CST11: variants seen among roughly 807,000 people sequenced by gnomAD.
CST11 encodes the protein cystatin-11.
A neutral mutation model predicts 14.0 loss-of-function variants in CST11; 13 were observed. The observed-to-expected ratio is 0.93, with a 90% CI of 0.60 to 1.47. The LOEUF is 1.47. Ranked by LOEUF, CST11 falls within the 40% of genes most tolerant of loss-of-function variation. The pLI, the probability that CST11 is intolerant of heterozygous loss-of-function variation, is 0.00. For synonymous variants in CST11, 64 were observed against 57.8 expected, an observed-to-expected ratio of 1.11 and a Z score of -0.48; for missense variants, 181 against 160.0, an observed-to-expected ratio of 1.13 and a Z score of -0.71.
Position 23,450,476 on chromosome 20 carries a change from C to A in CST11, c.*30G>T. The stretch of plus-strand genomic sequence containing the variant: ...GCCCATTGCAGGATTCTCTCACATG[C>A]AGTGGCCGCAGTTGTACACTCCAGG... On this transcript the variant is annotated 3_prime_UTR_variant, in exon 3 of 3. Coordinates refer to ENST00000377009, the MANE Select transcript of CST11 (RefSeq NM_130794.2). 6.9e-7 allele frequency: 1 copy of A among 1,456,408 alleles called. No individual in the cohort carries two copies. Among genetic ancestry groups the A allele is most frequent in the Non-Finnish European group, 9.5e-7 (1 of 1,056,978 alleles). 90.2% of individuals were successfully genotyped at this position (1,456,408 alleles called of 1,614,324 possible).
chr20:23,450,522 C>T lies in CST11; in HGVS notation c.401G>A (p.Ser134Asn). 1 of 1,611,790 alleles carries T rather than the reference C, an allele frequency of 6.2e-7. No homozygotes were observed. ...WFEQYKILNK[S>N]CSSD ...CCAGGACACCTAGTCACTGCTGCAG[C>T]TTTTGTTCAAAATTTTGTACTGTTC... is the stretch of plus-strand genomic sequence containing the variant. The change falls in exon 3 of 3, where the codon AGC (serine) becomes AAC (asparagine). Residue 134 changes from serine (S) to asparagine (N), a missense_variant. Ser to Asn is a conservative substitution (Grantham distance 46, BLOSUM62 1). Coordinates refer to ENST00000377009, the MANE Select transcript of CST11 (RefSeq NM_130794.2).
Position 23,450,473 on chromosome 20 carries a change from A to T in CST11, c.*33T>A. On this transcript the variant is annotated 3_prime_UTR_variant, in exon 3 of 3. Coordinates refer to ENST00000377009, the MANE Select transcript of CST11 (RefSeq NM_130794.2). ...ATTGCCCATTGCAGGATTCTCTCAC[A>T]TGCAGTGGCCGCAGTTGTACACTCC... 1.4e-6 allele frequency: 2 copies of T among 1,430,912 alleles called. No homozygotes were observed. Among genetic ancestry groups the T allele is most frequent in the South Asian group, 1.3e-5 (1 of 78,362 alleles). The allele number at this position is 1,430,912 out of a possible 1,614,324, so 88.6% of individuals were successfully genotyped here. A position where few individuals can be genotyped will look rare whatever the true frequency, so the allele number is the denominator to read the frequency against.
At position 23,452,748 on chromosome 20, in the gene CST11, G is replaced by A. The variant is rs758903882; in HGVS notation, c.64C>T (p.Leu22Phe). The A allele has an allele frequency of 6.2e-7, 1 of 1,614,188 alleles. No individual in the cohort carries two copies. The highest frequency in any genetic ancestry group is 8.5e-7 in the Non-Finnish European group (1 of 1,180,030). The part of the protein sequence containing the change: ...LLAILLTLMA[L>F]PYQARKKTFL... ...GTTTTCTTCCTTGCTTGGTAGGGGA[G>A]GGCCATCAGAGTCAATAGAATGGCC... The change falls in exon 1 of 3, where the codon CTC becomes TTC. Residue 22 changes from leucine to phenylalanine, a missense_variant. By Grantham distance (22) the Leu-to-Phe change is conservative (BLOSUM62 0). Transcript: ENST00000377009.
rs759326492 is a variant in CST11 at position 23,452,577 on chromosome 20, C to T, written c.228+7G>A. On this transcript the variant is annotated splice_region_variant and intron_variant, in intron 1 of 2. Coordinates refer to ENST00000377009, the MANE Select transcript of CST11 (RefSeq NM_130794.2). ...GCCTGGGGAGAGGCGGGAAGTCATA[C>T]ACTCACCTGCCTCTGGACTTTAAGG... 1.9e-6 allele frequency: 3 copies of T among 1,585,290 alleles called. No individual in the cohort carries two copies. Among genetic ancestry groups the T allele is most frequent in the Admixed American group, 1.7e-5 (1 of 59,966 alleles).
In CST11 at chr20:23,450,482, C is replaced by T. The variant is rs374560815; in HGVS notation, c.*24G>A. On this transcript the variant is annotated 3_prime_UTR_variant, in exon 3 of 3. Transcript: ENST00000377009. ...TGCAGGATTCTCTCACATGCAGTGGCCGCAGTTGTACACTCCAGGACACCT... is the reference window on the plus strand; with the variant it reads ...TGCAGGATTCTCTCACATGCAGTGGTCGCAGTTGTACACTCCAGGACACCT... 1 of 1,527,178 alleles carries T rather than the reference C, an allele frequency of 6.5e-7. No homozygotes were observed. Among genetic ancestry groups the T allele is most frequent in the Non-Finnish European group, 9.0e-7 (1 of 1,115,910 alleles). The allele number at this position is 1,527,178 out of a possible 1,614,324, so 94.6% of individuals were successfully genotyped here.
rs768717064 is a variant in CST11, at chr20:23,452,708, T to C, written c.104A>G (p.His35Arg). 6.2e-7 allele frequency: 1 copy of C among 1,614,140 alleles called. No individual in the cohort carries two copies. Among genetic ancestry groups the C allele is most frequent in the Non-Finnish European group, 8.5e-7 (1 of 1,179,966 alleles). The change falls in exon 1 of 3, where the codon CAT becomes CGT. Residue 35 changes from histidine to arginine, a missense_variant. Physicochemically the swap from His to Arg is conservative, Grantham distance 29. Coordinates refer to ENST00000377009, the MANE Select transcript of CST11 (RefSeq NM_130794.2). ...ATAGTTTTCTACTGCCATCACTTCA[T>C]GGACGCTTAGAAAGGTTTTCTTCCT... is the stretch of plus-strand genomic sequence containing the variant. ...QARKKTFLSVHEVMAVENYAK... is the reference protein window; with the variant it reads ...QARKKTFLSVREVMAVENYAK...
chr20:23,451,969 G>C (rs758120186), intron 1 of CST11, 49 bp from the exon 2 acceptor site: 43 of 1,449,682 alleles, frequency 3.0e-5, no homozygotes, highest in Non-Finnish European at 3.6e-5. Flanking sequence ...CTTCTCCCCT[G>C]TCTGCGGTTT....
chr20:23,452,468 G>T (rs780005259), intron 1 of CST11, 116 bp downstream of exon 1: 8 of 729,218 alleles, frequency 1.1e-5, no homozygotes, highest in Non-Finnish European at 2.0e-5. Context: ...CTCTTAAAGT[G>T]CTCACATCAA....
At position 23,452,749 on chromosome 20, in the gene CST11, G is replaced by A; in HGVS notation, c.63C>T (p.Ala21=). 1.2e-6 allele frequency: 2 copies of A among 1,614,138 alleles called. No homozygotes were observed. Among genetic ancestry groups the A allele is most frequent in the Non-Finnish European group, 1.7e-6 (2 of 1,180,016 alleles). ...TTTTCTTCCTTGCTTGGTAGGGGAG[G>A]GCCATCAGAGTCAATAGAATGGCCA... ...LLLAILLTLM[A]LPYQARKKTF... The change falls in exon 1 of 3, where the codon GCC becomes GCT. Residue 21 remains alanine, a synonymous_variant. Coordinates refer to ENST00000377009, the MANE Select transcript of CST11 (RefSeq NM_130794.2).
chr20:23,450,785 A>G (rs1987065765), intron 2 of CST11, among the ~76,000 whole-genome samples, 196 bp from the exon 3 acceptor site: 1 of 152,250 alleles, frequency 6.6e-6, no homozygotes, highest in Non-Finnish European at 1.5e-5. Flanking sequence ...AAATCAAAAT[A>G]AATATCAAAC....
At position 23,450,768 on chromosome 20, in the gene CST11, G is replaced by A. The variant is rs1000512010; in HGVS notation, c.334-179C>T. Reference sequence around the variant, plus strand: ...ATGATCCCAGCAATGTTACTATCAAGCGGCTGAAATCAAAATAAATATCAA... The same window carrying A: ...ATGATCCCAGCAATGTTACTATCAAACGGCTGAAATCAAAATAAATATCAA... On this transcript the variant is annotated intron_variant, in intron 2 of 2. Coordinates refer to ENST00000377009, the MANE Select transcript of CST11 (RefSeq NM_130794.2). 2.0e-5 allele frequency among the ~76,000 whole-genome samples: 3 copies of A among 152,306 alleles called. No homozygotes were observed. In the Middle Eastern group the frequency reaches 0.01, roughly 518 times the overall value.
chr20:23,451,557 G>A (rs553733218), intron 2 of CST11, among the ~76,000 whole-genome samples: 18 of 152,292 alleles, frequency 1.2e-4, no homozygotes, highest in African/African-American at 4.1e-4. Flanking sequence ...GCCCCAGAGT[G>A]TGCCCCTGCA....
At chr20:23,450,649 G>A (rs1482116719) in intron 2 of CST11, 60 bp from the exon 3 acceptor site, 2 of 1,317,686 alleles carry the variant, frequency 1.5e-6, no homozygotes, top group Non-Finnish European at 1.1e-6. Context: ...AAAAGGAGAA[G>A]GAAGAGGATG....
At chr20:23,451,646 G>A (rs1322061880) in intron 2 of CST11, among the ~76,000 whole-genome samples, 170 bp downstream of exon 2, 2 of 152,116 alleles carry the variant, frequency 1.3e-5, no homozygotes, top group Admixed American at 6.5e-5. Context: ...GCAGCATCTC[G>A]GCTGTCTCCA....
rs542052853 is a variant in CST11 at position 23,451,938 on chromosome 20, G to T, written c.229-18C>A. ...TCAGTGACCTGTGGGCGCCAGGCGTGGGGGAGGCACAGCTTGTCCCCTTCT... is the reference window on the plus strand; with the variant it reads ...TCAGTGACCTGTGGGCGCCAGGCGTTGGGGAGGCACAGCTTGTCCCCTTCT... On this transcript the variant is annotated intron_variant, in intron 1 of 2. Transcript: ENST00000377009. 1.2e-4 allele frequency: 183 copies of T among 1,586,646 alleles called. No individual in the cohort carries two copies. In the South Asian group the frequency reaches 1.3e-3, roughly 11 times the overall value.
At chr20:23,451,997 G>T (rs6114090) in intron 1 of CST11, 77 bp from the exon 2 acceptor site, 9 of 1,042,090 alleles carry the variant, frequency 8.6e-6, no homozygotes, top group Non-Finnish European at 1.3e-5. Flanking sequence ...TGGGGGCTCC[G>T]CTACCCCACG....
rs756302384 is a variant in CST11, at chr20:23,452,790, C to T, written c.22G>A (p.Ala8Thr). 1 of 1,613,860 alleles carries T rather than the reference C, an allele frequency of 6.2e-7. No individual in the cohort carries two copies. The highest frequency in any genetic ancestry group is 1.1e-5 in the South Asian group (1 of 91,070). Residue 8 changes from alanine to threonine, a missense_variant, in exon 1 of 3, where the codon GCC becomes ACC. Coordinates refer to ENST00000377009, the MANE Select transcript of CST11 (RefSeq NM_130794.2). The stretch of plus-strand genomic sequence containing the variant: ...AGAATGGCCAACAGGAGCTGTAGGG[C>T]CTGCCAGGGCTCAGCCATCATCCTT... MMAEPWQ[A>T]LQLLLAILLT...
In CST11 at chr20:23,451,849, C is replaced by A; in HGVS notation, c.300G>T (p.Thr100=). ...QWTTCQKPET[T]NCVPQERELH... ...GCTCCCTTTCCTGGGGGACACAGTT[C>A]GTGGTCTCTGGCTTTTGGCAGGTGG... Residue 100 remains threonine (T), a synonymous_variant, in exon 2 of 3, where the codon ACG becomes ACT. Coordinates refer to ENST00000377009, the MANE Select transcript of CST11 (RefSeq NM_130794.2). 2 of 1,614,076 alleles carry A rather than the reference C, an allele frequency of 1.2e-6. No individual in the cohort carries two copies. The highest frequency in any genetic ancestry group is 1.7e-6 in the Non-Finnish European group (2 of 1,179,960).
At chr20:23,452,000 AC>A in intron 1 of CST11, 80 bp from the exon 2 acceptor site, 2 of 1,017,368 alleles carry the variant, frequency 2.0e-6, no homozygotes, top group Middle Eastern at 2.6e-4. Flanking sequence ...GGGCTCCGCT[AC>A]CCCACGTCCA....
Sources: allele counts gnomAD v4.1 joint callset (sites outside exome capture counted in the v4.1 genomes callset), GRCh38; gene constraint gnomAD v4.1.1; transcripts MANE v1.5; gene names NCBI Gene and HGNC (gene_info 2026-07-23, HGNC 2026-07-21).